The following PBX1 variants were observed in gnomAD, a reference collection of about 807,000 sequenced individuals.
PBX1 encodes the protein PBX homeobox 1.
A neutral mutation model predicts 53.4 loss-of-function variants in PBX1; 6 were observed. That is an observed-to-expected ratio of 0.11 (90% CI 0.06 to 0.22). PBX1 has a LOEUF of 0.22. PBX1 is among the 10% of genes least tolerant of loss of function. PBX1 has a pLI of 1.00. For synonymous variants in PBX1, 204 were observed against 212.3 expected (o/e 0.96, Z 0.34); for missense variants, 251 against 551.4 (o/e 0.46, Z 5.46).
At chr1:164,579,928 G>C (rs898578830) in intron 2 of PBX1, among the ~76,000 whole-genome samples, 4 of 152,188 alleles carry the variant, frequency 2.6e-5, no homozygotes, top group Admixed American at 6.5e-5. Flanking sequence ...AGAGAGTTTA[G>C]TGAATCTTCC....
chr1:164,574,631 A>G (rs1161202953), intron 2 of PBX1, among the ~76,000 whole-genome samples: 6 of 152,224 alleles, frequency 3.9e-5, no homozygotes, highest in African/African-American at 9.6e-5. Flanking sequence ...GTTACCCTCC[A>G]TCAATCAAGT....
At chr1:164,738,505 T>C (rs1269000540) in intron 2 of PBX1, among the ~76,000 whole-genome samples, 1 of 152,220 alleles carries the variant, frequency 6.6e-6, no homozygotes, top group East Asian at 1.9e-4. Context: ...TTGCCCAGGC[T>C]GGTCTCAAAC....
At chr1:164,874,886 G>A (rs79427510) in intron 2 of PBX1, among the ~76,000 whole-genome samples, 3,481 of 152,244 alleles carry the variant, frequency 0.023, 135 homozygotes, top group African/African-American at 0.079. Flanking sequence ...ATCATTGTAG[G>A]TAGGAAAATG....
At chr1:164,881,349 GAA>G in intron 2 of PBX1, among the ~76,000 whole-genome samples, 1 of 98,762 alleles carries the variant, frequency 1.0e-5, no homozygotes, top group African/African-American at 3.6e-5. Flanking sequence ...AGGAAGGAAG[GAA>G]GGAAGGAAGG....
At chr1:164,783,689 G>T (rs1479312475) in intron 2 of PBX1, among the ~76,000 whole-genome samples, 4 of 152,098 alleles carry the variant, frequency 2.6e-5, no homozygotes, top group Non-Finnish European at 5.9e-5. Context: ...TCTTGGGCCT[G>T]GCTTTGAACC....
rs1668635256 is a variant in PBX1 at position 164,793,708 on chromosome 1, T to A, written c.510+970T>A. The stretch of plus-strand genomic sequence containing the variant: ...CTTTAACAGCAGCCTTTCATTTAGA[T>A]AGCAGATAAGTTTGTTGTTATCTCT... On this transcript the variant is annotated intron_variant, in intron 3 of 8. Coordinates refer to ENST00000420696, the MANE Select transcript of PBX1 (RefSeq NM_002585.4). 3.3e-5 allele frequency among the ~76,000 whole-genome samples: 5 copies of A among 152,168 alleles called. No individual in the cohort carries two copies. The South Asian group carries it at 1.0e-3, about 32-fold the overall frequency.
Position 164,701,511 on chromosome 1 carries a change from A to C in PBX1, c.266-90983A>C, listed in dbSNP as rs79175365. 9.9e-3 allele frequency among the ~76,000 whole-genome samples: 1,511 copies of C among 152,282 alleles called. 28 individuals are homozygous for C. Among genetic ancestry groups the C allele is most frequent in the African/African-American group, 0.035 (1,437 of 41,548 alleles). On this transcript the variant is annotated intron_variant, in intron 2 of 8. Transcript: ENST00000420696. ...CAGATTCACAGGCCTTGCCCCAGCA[A>C]ATTTGATAGGAGTCTAGGAATCTGT...
At chr1:164,778,873 A>G (rs768683649) in intron 2 of PBX1, among the ~76,000 whole-genome samples, 75 of 152,146 alleles carry the variant, frequency 4.9e-4, no homozygotes, top group Non-Finnish European at 9.1e-4. Flanking sequence ...CCTTGCTACA[A>G]TTGGAGGCAG....
chr1:164,605,468 T>A (rs750486030), intron 2 of PBX1: 5 of 152,144 alleles, frequency 3.3e-5, no homozygotes, highest in Non-Finnish European at 5.9e-5. Flanking sequence ...CTCTTTGTTA[T>A]GGGAAGAACA....
intron 2 of PBX1, among the ~76,000 whole-genome samples, chr1:164,867,828 C>A (rs73030715): frequency 6.6e-6 from 1 of 152,238 alleles, no homozygotes; most frequent in African/African-American, 2.4e-5. Context: ...AATATCAGCG[C>A]GGCCCAGCCC....
At chr1:164,776,096 C>T (rs554902758) in intron 2 of PBX1, among the ~76,000 whole-genome samples, 1 of 152,038 alleles carries the variant, frequency 6.6e-6, no homozygotes, top group Non-Finnish European at 1.5e-5. Context: ...CCTGTCTGGC[C>T]CATAGTAACC....
At chr1:164,687,361 A>G (rs557440650) in intron 2 of PBX1, among the ~76,000 whole-genome samples, 1 of 152,086 alleles carries the variant, frequency 6.6e-6, no homozygotes, top group South Asian at 2.1e-4. Context: ...TAGGAGTTCA[A>G]GACCGGTCTG....
At chr1:164,840,890 A>T (rs1266252045) in intron 8 of PBX1, among the ~76,000 whole-genome samples, 2 of 152,112 alleles carry the variant, frequency 1.3e-5, no homozygotes, top group African/African-American at 4.8e-5. Context: ...GAGGTCAGGG[A>T]TCTCATGCCA....
At position 164,712,177 on chromosome 1, in the gene PBX1, T is replaced by TTA. The variant is rs1553234121; in HGVS notation, c.266-80317_266-80316insTA. On this transcript the variant is annotated intron_variant, in intron 2 of 8. Coordinates refer to ENST00000420696, the MANE Select transcript of PBX1 (RefSeq NM_002585.4). Reference sequence around the variant, plus strand: ...GGAACCCAGGGAAGGAAGAAGAGATTAAAAAAAAAAAAAAAAAGCCCCACT... The same window carrying TTA: ...GGAACCCAGGGAAGGAAGAAGAGATTTAAAAAAAAAAAAAAAAAAGCCCCACT... 1.7e-4 allele frequency among the ~76,000 whole-genome samples: 22 copies of TTA among 129,014 alleles called. No individual in the cohort carries two copies. In the East Asian group the frequency reaches 4.7e-3, roughly 27 times the overall value. 84.6% of individuals were successfully genotyped at this position (129,014 alleles called of 152,430 possible). A position where few individuals can be genotyped will look rare whatever the true frequency, so the allele number is the denominator to read the frequency against.
chr1:164,832,202 A>T (rs1025042869), intron 8 of PBX1, among the ~76,000 whole-genome samples: 1 of 152,174 alleles, frequency 6.6e-6, no homozygotes, highest in Non-Finnish European at 1.5e-5. Context: ...CAAGAACCTT[A>T]TAGTGAAAGA....
intron 2 of PBX1, among the ~76,000 whole-genome samples, chr1:164,710,735 G>T (rs1663711861): frequency 6.6e-6 from 1 of 152,176 alleles, no homozygotes; most frequent in Non-Finnish European, 1.5e-5. Flanking sequence ...TGGTAAAACG[G>T]AGAAAAGCCT....
In PBX1 at chr1:164,563,248, T is replaced by G; in HGVS notation, c.202T>G (p.Leu68Val). The change falls in exon 2 of 9, where the codon TTA (leucine) becomes GTA (valine). Residue 68 changes from leucine to valine, a missense_variant. Coordinates refer to ENST00000420696, the MANE Select transcript of PBX1 (RefSeq NM_002585.4). ...GTTTCTTTCTTGCAGAAAACATGCT[T>G]TAAACTGCCACAGAATGAAGCCTGC... The part of the protein sequence containing the change: ...LDEAQARKHA[L>V]NCHRMKPALF... 1 of 1,610,772 alleles carries G rather than the reference T, an allele frequency of 6.2e-7. No homozygotes were observed. The highest frequency in any genetic ancestry group is 1.1e-5 in the South Asian group (1 of 90,668).
At chr1:164,580,323 G>C (rs1048866224) in intron 2 of PBX1, among the ~76,000 whole-genome samples, 5 of 152,198 alleles carry the variant, frequency 3.3e-5, no homozygotes, top group Non-Finnish European at 7.3e-5. Context: ...CTGTTGCTCA[G>C]GCTGGAGTGC....
At chr1:164,775,783 G>A (rs531983694) in intron 2 of PBX1, among the ~76,000 whole-genome samples, 2 of 152,266 alleles carry the variant, frequency 1.3e-5, no homozygotes, top group East Asian at 3.9e-4. Flanking sequence ...GTTTAATGGT[G>A]TAAGGATGGG....
Sources: allele counts gnomAD v4.1 joint callset (sites outside exome capture counted in the v4.1 genomes callset), GRCh38; gene constraint gnomAD v4.1.1; transcripts MANE v1.5; gene names NCBI Gene and HGNC (gene_info 2026-07-23, HGNC 2026-07-21).